The following GRID1 variants were observed in gnomAD, a reference collection of about 807,000 sequenced individuals.
The protein encoded by GRID1 is glutamate receptor ionotropic, delta-1.
GRID1 carries 28 observed loss-of-function variants against 98.0 expected under a neutral mutation model. The ratio of observed to expected loss-of-function variants is 0.29; its 90% CI spans 0.21 to 0.39. The LOEUF is 0.39. GRID1 is among the 10% of genes least tolerant of loss of function. The pLI is 1.00. For missense variants in GRID1, 1,111 were observed against 1,340.5 expected (o/e 0.83, Z 2.67); for synonymous variants, 553 against 538.5 (o/e 1.03, Z -0.37).
At chr10:85,892,468 G>A (rs543492090) in intron 5 of GRID1, among the ~76,000 whole-genome samples, 85 of 151,734 alleles carry the variant, frequency 5.6e-4, no homozygotes, top group African/African-American at 2.0e-3. Flanking sequence ...GATATGCAGG[G>A]AGAAATAAAA....
intron 4 of GRID1, among the ~76,000 whole-genome samples, chr10:86,089,381 T>C (rs1226073576): frequency 8.5e-6 from 1 of 117,052 alleles, no homozygotes; most frequent in African/African-American, 4.6e-5. Context: ...TGGACTTCAT[T>C]TGGAACCTGG....
intron 4 of GRID1, among the ~76,000 whole-genome samples, chr10:86,052,011 T>G (rs1235049020): frequency 1.3e-5 from 2 of 152,250 alleles, no homozygotes; most frequent in East Asian, 3.8e-4. Flanking sequence ...AGCACAATTT[T>G]TCATAGCACA....
chr10:85,800,504 A>G (rs1842566067), intron 8 of GRID1, among the ~76,000 whole-genome samples: 1 of 152,020 alleles, frequency 6.6e-6, no homozygotes, highest in South Asian at 2.1e-4. Flanking sequence ...AAAACCATCT[A>G]GAACTATAAC....
intron 8 of GRID1, among the ~76,000 whole-genome samples, chr10:85,832,366 G>C (rs1842874211): frequency 6.6e-6 from 1 of 151,758 alleles, no homozygotes; most frequent in South Asian, 2.1e-4. Context: ...AACTGAAAAG[G>C]ACATTGCCAC....
intron 8 of GRID1, among the ~76,000 whole-genome samples, chr10:85,776,128 C>T (rs917449132): frequency 5.3e-5 from 8 of 152,144 alleles, no homozygotes; most frequent in African/African-American, 1.9e-4. Context: ...AGGCACAACA[C>T]CTCCACGTTC....
chr10:85,820,111 A>C (rs1304169252), intron 8 of GRID1, among the ~76,000 whole-genome samples: 1 of 142,442 alleles, frequency 7.0e-6, no homozygotes, highest in Non-Finnish European at 1.5e-5. Context: ...GGAAGGGAGG[A>C]AGGAAAGAAA....
At chr10:86,017,774 G>T (rs547996718) in intron 4 of GRID1, among the ~76,000 whole-genome samples, 2 of 152,360 alleles carry the variant, frequency 1.3e-5, no homozygotes, top group South Asian at 4.1e-4. Context: ...TGAGCATGTT[G>T]CAGGTAGAAA....
intron 4 of GRID1, among the ~76,000 whole-genome samples, chr10:85,930,314 ATTTATAACTACAAATAACT>A: frequency 6.8e-6 from 1 of 147,662 alleles, no homozygotes; most frequent in Non-Finnish European, 1.5e-5. Context: ...ACTTGCGGTT[ATTTATAACTACAAATAACT>A]TGTGGTTATT....
At chr10:85,776,445 A>G (rs1445196733) in intron 8 of GRID1, among the ~76,000 whole-genome samples, 2 of 152,214 alleles carry the variant, frequency 1.3e-5, no homozygotes, top group Non-Finnish European at 2.9e-5. Flanking sequence ...TCCACTTAGG[A>G]GAAAAATAGA....
intron 2 of GRID1, among the ~76,000 whole-genome samples, chr10:86,228,233 G>C (rs184829032): frequency 7.0e-6 from 1 of 143,108 alleles, no homozygotes; most frequent in East Asian, 2.2e-4. Context: ...GGATGGATGT[G>C]TACATGGGTG....
intron 8 of GRID1, among the ~76,000 whole-genome samples, chr10:85,768,688 T>C (rs1188444045): frequency 1.3e-5 from 2 of 152,216 alleles, no homozygotes; most frequent in Non-Finnish European, 2.9e-5. Flanking sequence ...TTATTCTGTG[T>C]TACCATTTTT....
chr10:86,145,547 T>TACACACACACACACATACAC (rs920900306), intron 3 of GRID1, among the ~76,000 whole-genome samples: 14,840 of 145,304 alleles, frequency 0.1, 878 homozygotes, highest in South Asian at 0.18. Flanking sequence ...ATCCTCCACA[T>TACACACACACACACATACAC]ACACACACAC....
intron 2 of GRID1, among the ~76,000 whole-genome samples, chr10:86,217,427 A>G (rs574260871): frequency 6.6e-6 from 1 of 152,376 alleles, no homozygotes; most frequent in Admixed American, 6.5e-5. Flanking sequence ...AAAAGGATCA[A>G]CTTCTGTTGT....
intron 8 of GRID1, among the ~76,000 whole-genome samples, chr10:85,847,394 G>C (rs556787287): frequency 6.6e-6 from 1 of 152,250 alleles, no homozygotes; most frequent in East Asian, 1.9e-4. Context: ...TCTTTAATGT[G>C]AAATAGTAAG....
At chr10:86,102,923 T>C (rs1844319678) in intron 4 of GRID1, among the ~76,000 whole-genome samples, 4 of 152,068 alleles carry the variant, frequency 2.6e-5, no homozygotes, top group Admixed American at 2.6e-4. Flanking sequence ...AGTGAATAAG[T>C]CTCATGAGAA....
At chr10:85,658,154 C>T (rs549827112) in intron 12 of GRID1, among the ~76,000 whole-genome samples, 36 of 152,296 alleles carry the variant, frequency 2.4e-4, no homozygotes, top group Middle Eastern at 3.4e-3. Flanking sequence ...CTGTGTCATC[C>T]TGTGCTCCAG....
intron 12 of GRID1, among the ~76,000 whole-genome samples, chr10:85,717,031 G>A (rs1841647839): frequency 6.6e-6 from 1 of 152,118 alleles, no homozygotes; most frequent in Non-Finnish European, 1.5e-5. Context: ...ATAAGATCTG[G>A]AGATATAATG....
intron 4 of GRID1, among the ~76,000 whole-genome samples, chr10:86,011,399 T>C (rs1186136871): frequency 6.6e-6 from 1 of 152,246 alleles, no homozygotes; most frequent in Non-Finnish European, 1.5e-5. Context: ...ATTAAATATT[T>C]GTTTAGTGAA....
In GRID1 at chr10:85,905,577, T is replaced by A. The variant is rs189371001; in HGVS notation, c.780+10609A>T. 6.9e-4 allele frequency among the ~76,000 whole-genome samples: 105 copies of A among 152,252 alleles called. 1 individual carries two copies. In the Middle Eastern group the frequency reaches 0.014, roughly 20 times the overall value. On this transcript the variant is annotated intron_variant, in intron 5 of 15. Transcript: ENST00000327946. ...TGTATTTTTGTGTATATAACACATA[T>A]GAAAGTAACATTTATTATAACAATT...
Sources: gnomAD v4.1 joint callset for allele counts (sites outside exome capture counted in the v4.1 genomes callset) on GRCh38, gnomAD v4.1.1 for gene constraint, MANE v1.5 for transcripts, NCBI Gene and HGNC (gene_info 2026-07-23, HGNC 2026-07-21) for gene names.